MEGF11: variants seen among roughly 807,000 people sequenced by gnomAD.
MEGF11 encodes multiple epidermal growth factor-like domains protein 11.
Under a neutral mutation model 146.6 loss-of-function variants are expected in MEGF11, and 126 were observed. The ratio of observed to expected loss-of-function variants is 0.86; its 90% CI spans 0.74 to 1.00. The LOEUF (loss-of-function observed/expected upper bound fraction) is 1.00, where lower values mean the gene tolerates loss of function less well. Among genes scored for constraint, MEGF11 ranks in the 50% least tolerant of loss-of-function variants. The pLI is 0.00. For synonymous variants in MEGF11, 532 were observed against 583.4 expected (o/e 0.91, Z 1.27); for missense variants, 1,509 against 1,521.2 (o/e 0.99, Z 0.13).
intron 1 of MEGF11, among the ~76,000 whole-genome samples, chr15:66,206,644 G>A (rs2091307031): frequency 6.6e-6 from 1 of 152,184 alleles, no homozygotes; most frequent in Non-Finnish European, 1.5e-5. Context: ...GCTCACACCT[G>A]TAATCCCAGC....
At chr15:66,084,575 T>G (rs2086023887) in intron 5 of MEGF11, among the ~76,000 whole-genome samples, 1 of 152,110 alleles carries the variant, frequency 6.6e-6, no homozygotes, top group Non-Finnish European at 1.5e-5. Context: ...TGGGAGAAGT[T>G]TCTGACTTTA....
chr15:66,094,599 G>T (rs915099736), intron 4 of MEGF11, 105 bp from the exon 5 acceptor site: 5 of 971,816 alleles, frequency 5.1e-6, no homozygotes, highest in African/African-American at 3.2e-5. Context: ...TGGTGCCCAG[G>T]GATGCTTAGA....
At chr15:66,076,739 C>T (rs1042169409) in intron 5 of MEGF11, among the ~76,000 whole-genome samples, 4 of 152,208 alleles carry the variant, frequency 2.6e-5, no homozygotes, top group African/African-American at 9.6e-5. Context: ...ACATGTCCAA[C>T]CTGGCCTCTG....
intron 5 of MEGF11, among the ~76,000 whole-genome samples, chr15:66,008,666 T>G (rs1460323523): frequency 6.6e-6 from 1 of 151,850 alleles, no homozygotes; most frequent in Admixed American, 6.6e-5. Context: ...TCTACAAAAA[T>G]TTTTAAAACT....
intron 5 of MEGF11, among the ~76,000 whole-genome samples, chr15:66,019,986 C>A (rs1179339200): frequency 6.6e-6 from 1 of 152,140 alleles, no homozygotes; most frequent in African/African-American, 2.4e-5. Flanking sequence ...GGTAAGCACA[C>A]GGAGGTGGGG....
intron 1 of MEGF11, among the ~76,000 whole-genome samples, chr15:66,227,887 C>CCG (rs2140187260): frequency 6.6e-6 from 1 of 152,360 alleles, no homozygotes; most frequent in African/African-American, 2.4e-5. Flanking sequence ...CCCAGCCAGC[C>CCG]TCTGGGTGCT....
At chr15:66,204,354 G>A (rs1008179085) in intron 1 of MEGF11, among the ~76,000 whole-genome samples, 3 of 152,120 alleles carry the variant, frequency 2.0e-5, no homozygotes, top group African/African-American at 4.8e-5. Context: ...TCAGTGGGCC[G>A]AGATTGTGCC....
intron 5 of MEGF11, among the ~76,000 whole-genome samples, chr15:65,985,196 A>T (rs1233575683): frequency 1.3e-5 from 2 of 152,234 alleles, no homozygotes. Flanking sequence ...TTTGACGGAG[A>T]ATACACGGTC....
intron 5 of MEGF11, among the ~76,000 whole-genome samples, chr15:66,092,584 T>C (rs1173256475): frequency 6.6e-6 from 1 of 152,230 alleles, no homozygotes; most frequent in African/African-American, 2.4e-5. Context: ...CAAGTCATAC[T>C]CTAAACTGCC....
In MEGF11 at chr15:65,898,914, A is replaced by T; in HGVS notation, c.3076T>A (p.Cys1026Ser). Reference sequence around the variant, plus strand: ...TTCAAGGAACAAGTACTAGAACTGCACACGGATTCTTTCATGTAATCTGCA... The same window carrying T: ...TTCAAGGAACAAGTACTAGAACTGCTCACGGATTCTTTCATGTAATCTGCA... ...GFKDYMKESV[C>S]SSSTCSLNSS... The change falls in exon 25 of 26, where the codon TGC (cysteine) becomes AGC (serine). Residue 1026 changes from cysteine (C) to serine (S), a missense_variant. Coordinates refer to ENST00000395614, the MANE Select transcript of MEGF11 (RefSeq NM_001385028.1). 6.2e-7 allele frequency: 1 copy of T among 1,613,928 alleles called. No homozygotes were observed. The highest frequency in any genetic ancestry group is 2.2e-5 in the East Asian group (1 of 44,878).
At chr15:65,923,773 A>G (rs953714169) in intron 13 of MEGF11, among the ~76,000 whole-genome samples, 2 of 152,200 alleles carry the variant, frequency 1.3e-5, no homozygotes, top group Non-Finnish European at 2.9e-5. Context: ...AACAAAGTCT[A>G]TAATAGTCTT....
chr15:66,168,294 T>C (rs2090154665), intron 1 of MEGF11, among the ~76,000 whole-genome samples: 1 of 152,100 alleles, frequency 6.6e-6, no homozygotes, highest in Non-Finnish European at 1.5e-5. Flanking sequence ...CTGCTGCCTC[T>C]CCTTCAGACT....
rs1245383416 is a variant in MEGF11 at position 65,897,351 on chromosome 15, T to C, written c.*583A>G. Reference sequence around the variant, plus strand: ...AAGTCTTGTTTTTTAAAATAGAAGTTGTCAGCATTAGACTATATAGATTCT... The same window carrying C: ...AAGTCTTGTTTTTTAAAATAGAAGTCGTCAGCATTAGACTATATAGATTCT... On this transcript the variant is annotated 3_prime_UTR_variant, in exon 26 of 26. Coordinates refer to ENST00000395614, the MANE Select transcript of MEGF11 (RefSeq NM_001385028.1). 6.6e-6 allele frequency: 1 copy of C among 152,212 alleles called. No individual in the cohort carries two copies. Among genetic ancestry groups the C allele is most frequent in the Non-Finnish European group, 1.5e-5 (1 of 68,038 alleles). 9.4% of individuals were successfully genotyped at this position (152,212 alleles called of 1,614,324 possible).
chr15:66,223,739 A>G (rs2091787407), intron 1 of MEGF11, among the ~76,000 whole-genome samples: 1 of 152,206 alleles, frequency 6.6e-6, no homozygotes, highest in Non-Finnish European at 1.5e-5. Context: ...ATAAAATAAA[A>G]ATGAAACAAA....
chr15:66,205,946 G>C (rs1441280718), intron 1 of MEGF11, among the ~76,000 whole-genome samples: 1 of 152,114 alleles, frequency 6.6e-6, no homozygotes, highest in Non-Finnish European at 1.5e-5. Context: ...GGATGAAAAA[G>C]AACAATCAAT....
chr15:66,253,199 G>T (rs1349197620), intron 1 of MEGF11, among the ~76,000 whole-genome samples: 1 of 152,154 alleles, frequency 6.6e-6, no homozygotes, highest in East Asian at 1.9e-4. Flanking sequence ...GCGCACCCGG[G>T]GCGGCTTGAG....
intron 1 of MEGF11, among the ~76,000 whole-genome samples, chr15:66,233,951 C>CT (rs57240560): frequency 0.43 from 51,457 of 119,688 alleles, 11,812 homozygotes; most frequent in East Asian, 0.65. Flanking sequence ...TTTTCTTTTT[C>CT]TTTTTTTTTT....
chr15:66,132,762 G>A (rs938892168), intron 1 of MEGF11, among the ~76,000 whole-genome samples: 2 of 152,120 alleles, frequency 1.3e-5, no homozygotes, highest in Non-Finnish European at 2.9e-5. Flanking sequence ...TACCACTTTG[G>A]AAATTTCTCC....
At chr15:65,940,864 G>GCC (rs2079966873) in intron 10 of MEGF11, among the ~76,000 whole-genome samples, 1 of 152,250 alleles carries the variant, frequency 6.6e-6, no homozygotes, top group South Asian at 2.1e-4. Flanking sequence ...TGAATAGGCT[G>GCC]CCAGTGATCT....
Sources: allele counts gnomAD v4.1 joint callset (sites outside exome capture counted in the v4.1 genomes callset), GRCh38; gene constraint gnomAD v4.1.1; transcripts MANE v1.5; gene names NCBI Gene and HGNC (gene_info 2026-07-23, HGNC 2026-07-21).